BTRC: variants seen among roughly 807,000 people sequenced by gnomAD.
BTRC encodes the protein beta-transducin repeat containing E3 ubiquitin protein ligase.
In BTRC, 42 loss-of-function variants were observed where a neutral mutation model predicts 85.5. The observed-to-expected ratio is 0.49, with a 90% CI of 0.38 to 0.64. BTRC has a LOEUF of 0.64. BTRC is among the 30% of genes least tolerant of loss of function. The probability of loss-of-function intolerance (pLI) is 0.00; values close to 1 mark genes in which losing one functional copy is unlikely to be tolerated. For synonymous variants in BTRC, 255 were observed against 263.3 expected, an observed-to-expected ratio of 0.97 and a Z score of 0.30; for missense variants, 594 against 743.5, an observed-to-expected ratio of 0.80 and a Z score of 2.34.
At chr10:101,522,014 C>CTTTTT (rs1194237945) in intron 5 of BTRC, 144 bp downstream of exon 5, 3 of 67,876 alleles carry the variant, frequency 4.4e-5, no homozygotes, top group Non-Finnish European at 4.6e-5. Context: ...TGATATAAAG[C>CTTTTT]TTTTTTTTTT....
intron 3 of BTRC, among the ~76,000 whole-genome samples, chr10:101,478,754 C>G (rs544353468): frequency 2.0e-5 from 3 of 148,146 alleles, no homozygotes; most frequent in Non-Finnish European, 4.5e-5. Flanking sequence ...GTACTTCCAG[C>G]TGGGGTGACA....
intron 2 of BTRC, among the ~76,000 whole-genome samples, chr10:101,456,541 A>G (rs907303928): frequency 7.7e-6 from 1 of 129,334 alleles, no homozygotes; most frequent in African/African-American, 3.7e-5. Flanking sequence ...TGATTTTGAG[A>G]CAGTTTAAGC....
intron 2 of BTRC, among the ~76,000 whole-genome samples, chr10:101,441,081 GT>G (rs370144751): frequency 2.6e-4 from 40 of 152,150 alleles, no homozygotes; most frequent in African/African-American, 9.2e-4. Flanking sequence ...CAGTGGGGGA[GT>G]TTTCAAAAAT....
chr10:101,391,058 T>C (rs74563035), intron 1 of BTRC, among the ~76,000 whole-genome samples: 3,621 of 152,330 alleles, frequency 0.024, 151 homozygotes, highest in African/African-American at 0.083. Flanking sequence ...TTCTTGAAAC[T>C]AGCCTGTATA....
At chr10:101,456,952 C>T (rs1332406829) in intron 2 of BTRC, among the ~76,000 whole-genome samples, 1 of 152,088 alleles carries the variant, frequency 6.6e-6, no homozygotes, top group Non-Finnish European at 1.5e-5. Flanking sequence ...ACTATAGTCC[C>T]CACTTATTCA....
chr10:101,531,784 G>C (rs970575398), intron 7 of BTRC, among the ~76,000 whole-genome samples: 1 of 152,084 alleles, frequency 6.6e-6, no homozygotes, highest in Non-Finnish European at 1.5e-5. Context: ...AAAATAAATT[G>C]CTAGGCAAAA....
chr10:101,545,544 CTAATCCAA>C (rs2062545522), intron 13 of BTRC, among the ~76,000 whole-genome samples: 1 of 152,098 alleles, frequency 6.6e-6, no homozygotes, highest in South Asian at 2.1e-4. Flanking sequence ...GGAGTAGGCC[CTAATCCAA>C]TATGACTGGT....
intron 3 of BTRC, among the ~76,000 whole-genome samples, chr10:101,472,605 A>G (rs2134202477): frequency 6.6e-6 from 1 of 152,250 alleles, no homozygotes; most frequent in African/African-American, 2.4e-5. Flanking sequence ...ACCTGAGGTC[A>G]GGAGTTCGAG....
chr10:101,360,381 T>TC (rs1332136817), intron 1 of BTRC, among the ~76,000 whole-genome samples: 1 of 145,044 alleles, frequency 6.9e-6, no homozygotes, highest in East Asian at 2.1e-4. Context: ...TTTTTTTTTT[T>TC]TTTTTTTTTT....
chr10:101,449,314 A>G (rs1026190940), intron 2 of BTRC, among the ~76,000 whole-genome samples: 2 of 152,086 alleles, frequency 1.3e-5, no homozygotes, highest in African/African-American at 4.8e-5. Context: ...GATGACAGAA[A>G]AAAAAAATTC....
At chr10:101,494,132 C>T (rs1210833752) in intron 4 of BTRC, among the ~76,000 whole-genome samples, 6 of 152,184 alleles carry the variant, frequency 3.9e-5, no homozygotes, top group African/African-American at 7.2e-5. Context: ...CAACATTTCA[C>T]CCCTAGTTTG....
chr10:101,522,409 CTTTTTTTT>C (rs1176651688), intron 5 of BTRC, among the ~76,000 whole-genome samples: 314 of 29,528 alleles, frequency 0.011, no homozygotes, highest in Non-Finnish European at 0.015. Context: ...ATAAAGACTC[CTTTTTTTT>C]TTTTTTTTTT....
At chr10:101,375,532 G>A (rs1041197798) in intron 1 of BTRC, among the ~76,000 whole-genome samples, 4 of 152,194 alleles carry the variant, frequency 2.6e-5, no homozygotes, top group Admixed American at 1.3e-4. Flanking sequence ...TTCAGCAGGA[G>A]AATAATGGCA....
intron 1 of BTRC, among the ~76,000 whole-genome samples, chr10:101,404,090 GGC>G (rs1943561249): frequency 1.5e-5 from 2 of 131,552 alleles, no homozygotes; most frequent in Non-Finnish European, 3.1e-5. Flanking sequence ...GGAGTGCAGT[GGC>G]GCATCTCAGC....
intron 1 of BTRC, 29 bp from the exon 2 acceptor site, chr10:101,430,315 TC>T: frequency 6.6e-7 from 1 of 1,508,518 alleles, no homozygotes; most frequent in African/African-American, 1.4e-5. Context: ...TCTCATACTG[TC>T]CCATCTCATA....
At chr10:101,362,447 G>T (rs1394314441) in intron 1 of BTRC, among the ~76,000 whole-genome samples, 2 of 151,598 alleles carry the variant, frequency 1.3e-5, no homozygotes, top group Non-Finnish European at 2.9e-5. Flanking sequence ...CCAGGTTGGG[G>T]TGCAATGGCA....
intron 12 of BTRC, among the ~76,000 whole-genome samples, chr10:101,537,930 G>A (rs564861639): frequency 2.0e-5 from 3 of 152,242 alleles, no homozygotes; most frequent in Admixed American, 1.3e-4. Context: ...AAAAGATGAG[G>A]GCTTGCTTAT....
rs374025337 is a variant in BTRC, at chr10:101,376,437, C to G, written c.48+22209C>G. 3.3e-5 allele frequency among the ~76,000 whole-genome samples: 5 copies of G among 152,162 alleles called. No individual in the cohort carries two copies. The South Asian group carries it at 6.2e-4, about 19-fold the overall frequency. ...GTTGGTTTCAGAAAACAATTTACTTCTGTAGGCTGTTTGCAGCTAGAGAAA... is the reference window on the plus strand; with the variant it reads ...GTTGGTTTCAGAAAACAATTTACTTGTGTAGGCTGTTTGCAGCTAGAGAAA... On this transcript the variant is annotated intron_variant, in intron 1 of 14. Coordinates refer to ENST00000370187, the MANE Select transcript of BTRC (RefSeq NM_033637.4).
intron 1 of BTRC, among the ~76,000 whole-genome samples, chr10:101,369,168 T>C (rs537337182): frequency 6.6e-6 from 1 of 152,140 alleles, no homozygotes; most frequent in Non-Finnish European, 1.5e-5. Context: ...TAGTCTTTTG[T>C]TGAAGTGTTT....
Sources: gnomAD v4.1 joint callset for allele counts (sites outside exome capture counted in the v4.1 genomes callset) on GRCh38, gnomAD v4.1.1 for gene constraint, MANE v1.5 for transcripts, NCBI Gene and HGNC (gene_info 2026-07-23, HGNC 2026-07-21) for gene names.